DPF3: variants seen among roughly 807,000 people sequenced by gnomAD.
DPF3 encodes zinc finger protein DPF3.
Under a neutral mutation model 56.8 loss-of-function variants are expected in DPF3, and 18 were observed. The ratio of observed to expected loss-of-function variants is 0.32; its 90% CI spans 0.22 to 0.47. DPF3 has a LOEUF of 0.47. DPF3 is among the 20% of genes least tolerant of loss of function. DPF3 has a pLI of 1.00. For synonymous variants in DPF3, 188 were observed against 180.2 expected, an observed-to-expected ratio of 1.04 and a Z score of -0.35; for missense variants, 403 against 488.8, an observed-to-expected ratio of 0.82 and a Z score of 1.65.
intron 6 of DPF3, among the ~76,000 whole-genome samples, chr14:72,711,685 C>T (rs1567208163): frequency 6.6e-6 from 1 of 152,050 alleles, no homozygotes; most frequent in Non-Finnish European, 1.5e-5. Context: ...CCCAGACGGA[C>T]AAAGCCCTAA....
chr14:72,638,936 C>A (rs959806479), intron 8 of DPF3, among the ~76,000 whole-genome samples: 1 of 152,038 alleles, frequency 6.6e-6, no homozygotes, highest in Non-Finnish European at 1.5e-5. Flanking sequence ...CCTGCCTCAG[C>A]CTCCTGAGTA....
At chr14:72,831,145 T>C (rs1567248475) in intron 1 of DPF3, among the ~76,000 whole-genome samples, 1 of 151,968 alleles carries the variant, frequency 6.6e-6, no homozygotes, top group Non-Finnish European at 1.5e-5. Flanking sequence ...AAAGGAGCTA[T>C]AAAAGGGCGT....
At chr14:72,794,926 C>T (rs912717367) in intron 1 of DPF3, among the ~76,000 whole-genome samples, 4 of 152,040 alleles carry the variant, frequency 2.6e-5, no homozygotes, top group African/African-American at 9.7e-5. Context: ...TCTACCTCCA[C>T]TTCCAATGTC....
chr14:72,678,139 G>A (rs188915873), intron 7 of DPF3, among the ~76,000 whole-genome samples: 20 of 152,242 alleles, frequency 1.3e-4, no homozygotes, highest in South Asian at 4.1e-4. Context: ...AGATTAAAGC[G>A]CTGGCTCCAA....
chr14:72,849,466 T>A (rs2140081435), intron 1 of DPF3, among the ~76,000 whole-genome samples: 1 of 152,302 alleles, frequency 6.6e-6, no homozygotes, highest in Middle Eastern at 3.4e-3. Flanking sequence ...GCCCACATCT[T>A]GGACAGCATC....
chr14:72,861,760 A>AAAGAAAGG (rs1885432297), intron 1 of DPF3, among the ~76,000 whole-genome samples: 1 of 148,998 alleles, frequency 6.7e-6, no homozygotes, highest in African/African-American at 2.5e-5. Context: ...AGAAAGAAAG[A>AAAGAAAGG]AAGAAAGAAA....
chr14:72,689,337 G>A (rs1245962856), intron 7 of DPF3, among the ~76,000 whole-genome samples: 5 of 152,120 alleles, frequency 3.3e-5, no homozygotes, highest in Admixed American at 6.5e-5. Flanking sequence ...TTAGGCCTCC[G>A]CTCACATGCA....
At chr14:72,771,640 C>A (rs1891536040) in intron 2 of DPF3, 93 bp downstream of exon 2, 2 of 1,500,132 alleles carry the variant, frequency 1.3e-6, no homozygotes, top group East Asian at 2.4e-5. Context: ...CCGATCCTAC[C>A]CAGGCTGCCT....
intron 1 of DPF3, among the ~76,000 whole-genome samples, chr14:72,853,839 C>T (rs535490373): frequency 5.9e-5 from 9 of 152,156 alleles, no homozygotes; most frequent in Non-Finnish European, 1.2e-4. Flanking sequence ...TCACCATCTA[C>T]AATGTACCAC....
intron 2 of DPF3, among the ~76,000 whole-genome samples, chr14:72,763,837 T>G (rs1891155883): frequency 6.6e-6 from 1 of 152,208 alleles, no homozygotes; most frequent in African/African-American, 2.4e-5. Context: ...AGCATAGGTC[T>G]GATAAACTTA....
intron 2 of DPF3, among the ~76,000 whole-genome samples, chr14:72,764,783 G>A (rs144241712): frequency 2.0e-5 from 3 of 152,154 alleles, no homozygotes; most frequent in East Asian, 1.9e-4. Context: ...GAGCCACCGC[G>A]CCCGGCCTGT....
At chr14:72,670,191 A>C (rs778543812) in intron 8 of DPF3, 3 of 986,030 alleles carry the variant, frequency 3.0e-6, no homozygotes, top group Non-Finnish European at 3.6e-6. Flanking sequence ...GGGGAAACAC[A>C]CGATGATGTC....
At chr14:72,837,489 G>A (rs933622843) in intron 1 of DPF3, among the ~76,000 whole-genome samples, 3 of 151,982 alleles carry the variant, frequency 2.0e-5, no homozygotes, top group Non-Finnish European at 2.9e-5. Context: ...TGTAATCCCA[G>A]CACTTTGGGA....
chr14:72,670,634 C>A, intron 8 of DPF3: 1 of 957,440 alleles, frequency 1.0e-6, no homozygotes, highest in Admixed American at 6.6e-5. Flanking sequence ...TTTGATTTCC[C>A]TTCTCTCTCT....
At chr14:72,714,386 A>G (rs767141602) in intron 6 of DPF3, 37 bp downstream of exon 6, 5 of 1,609,854 alleles carry the variant, frequency 3.1e-6, no homozygotes, top group Non-Finnish European at 3.4e-6. Flanking sequence ...GGGCAGGCGC[A>G]CAGGGAGGAA....
At chr14:72,843,851 T>C (rs1884647309) in intron 1 of DPF3, among the ~76,000 whole-genome samples, 1 of 152,246 alleles carries the variant, frequency 6.6e-6, no homozygotes, top group African/African-American at 2.4e-5. Flanking sequence ...CAATAGCTGC[T>C]AAGACTTACG....
intron 6 of DPF3, among the ~76,000 whole-genome samples, chr14:72,702,752 G>A (rs1015488551): frequency 2.6e-5 from 4 of 152,192 alleles, no homozygotes; most frequent in African/African-American, 9.7e-5. Flanking sequence ...AAGCCCAGGA[G>A]GTACTTCCAA....
At chr14:72,629,865 T>C in intron 8 of DPF3, 129 bp from the exon 9 acceptor site, 2 of 744,994 alleles carry the variant, frequency 2.7e-6, no homozygotes, top group South Asian at 1.7e-5. Flanking sequence ...GGGAAAAAAA[T>C]GGGGACCCAA....
At position 72,611,393 on chromosome 14, in the gene DPF3, TG is replaced by T. The variant is rs1454102938; in HGVS notation, c.*7903del. 2.6e-5 allele frequency among the ~76,000 whole-genome samples: 4 copies of T among 152,224 alleles called. No individual in the cohort carries two copies. The highest frequency in any genetic ancestry group is 4.4e-5 in the Non-Finnish European group (3 of 68,042). The stretch of plus-strand genomic sequence containing the variant: ...CCAAAGGTGAGCATGGAAGGTTTGC[TG>T]AAAACCTCTCTGATGCTGGGTTTCA... On this transcript the variant is annotated 3_prime_UTR_variant, in exon 11 of 11. Coordinates refer to ENST00000556509, the MANE Select transcript of DPF3 (RefSeq NM_001280542.3).
Sources: gnomAD v4.1 joint callset for allele counts (sites outside exome capture counted in the v4.1 genomes callset) on GRCh38, gnomAD v4.1.1 for gene constraint, MANE v1.5 for transcripts, NCBI Gene and HGNC (gene_info 2026-07-23, HGNC 2026-07-21) for gene names.